The following NEB variants were observed in gnomAD, a reference collection of about 807,000 sequenced individuals.
NEB encodes the protein nemaline myopathy type 2.
NEB carries 512 observed loss-of-function variants against 952.2 expected under a neutral mutation model. The ratio of observed to expected loss-of-function variants is 0.54; its 90% CI spans 0.50 to 0.58. NEB has a LOEUF of 0.58. NEB is among the 20% of genes least tolerant of loss of function. The pLI, the probability that NEB is intolerant of heterozygous loss-of-function variation, is 0.00. For missense variants in NEB, 8,428 were observed against 9,231.1 expected (o/e 0.91, Z 3.56); for synonymous variants, 2,900 against 3,149.8 (o/e 0.92, Z 2.66).
Position 151,553,812 on chromosome 2 carries a change from T to G in NEB, c.19626+16A>C. The stretch of plus-strand genomic sequence containing the variant: ...GGCGGGGCCGTGGAGGGGTACTTCT[T>G]AAGTCACAGGCTTACATCGCTGATC... On this transcript the variant is annotated intron_variant, in intron 126 of 181. Transcript: ENST00000397345. 6.3e-7 allele frequency: 1 copy of G among 1,595,654 alleles called. No homozygotes were observed. The highest frequency in any genetic ancestry group is 8.6e-7 in the Non-Finnish European group (1 of 1,169,064).
chr2:151,555,154 C>T (rs747370639), intron 124 of NEB, 110 bp from the exon 125 acceptor site: 9 of 721,970 alleles, frequency 1.2e-5, no homozygotes, highest in Middle Eastern at 2.9e-4. Flanking sequence ...ATCCACCCAG[C>T]GTTGGGGACA....
intron 181 of NEB, chr2:151,486,295 A>G (rs1015408407): frequency 4.8e-6 from 1 of 207,616 alleles, no homozygotes; most frequent in African/African-American, 2.3e-5. Flanking sequence ...TAAAACCACA[A>G]TGAGATACCC....
intron 125 of NEB, among the ~76,000 whole-genome samples, chr2:151,554,347 GC>G (rs35677134): frequency 0.01 from 1,540 of 152,144 alleles, 33 homozygotes; most frequent in African/African-American, 0.035. Flanking sequence ...AATTGCTTGA[GC>G]CCAGGAGTTT....
intron 52 of NEB, 112 bp from the exon 53 acceptor site, chr2:151,650,997 C>G (rs2099023152): frequency 3.6e-6 from 4 of 1,114,798 alleles, no homozygotes; most frequent in Admixed American, 5.0e-5. Flanking sequence ...CTATGTTTCC[C>G]AGGCTGGTCT....
chr2:151,540,593 C>T, intron 137 of NEB, 104 bp downstream of exon 137: 1 of 1,162,100 alleles, frequency 8.6e-7, no homozygotes, highest in Non-Finnish European at 1.3e-6. Flanking sequence ...TGATGCTGAG[C>T]ACCATTTATA....
chr2:151,659,629 A>G (rs1206875774), intron 46 of NEB, among the ~76,000 whole-genome samples: 1 of 152,190 alleles, frequency 6.6e-6, no homozygotes, highest in Non-Finnish European at 1.5e-5. Flanking sequence ...AAAGTTGCTT[A>G]TTCAAACAAT....
intron 161 of NEB, among the ~76,000 whole-genome samples, chr2:151,510,551 A>AAAAT (rs1159591731): frequency 2.0e-5 from 3 of 152,244 alleles, no homozygotes; most frequent in African/African-American, 7.2e-5. Context: ...ACCTCGGTCA[A>AAAAT]AAATAAGAGT....
chr2:151,617,066 G>A (rs145305378), intron 75 of NEB, among the ~76,000 whole-genome samples: 12 of 152,306 alleles, frequency 7.9e-5, no homozygotes, highest in African/African-American at 2.6e-4. Flanking sequence ...GCTAGCTGCT[G>A]AATAAAATAA....
Position 151,646,135 on chromosome 2 carries a change from T to C in NEB, c.7531A>G (p.Ser2511Gly), listed in dbSNP as rs769306399. 6.3e-7 allele frequency: 1 copy of C among 1,581,342 alleles called. No homozygotes were observed. The highest frequency in any genetic ancestry group is 8.6e-7 in the Non-Finnish European group (1 of 1,160,938). Reference protein sequence around the residue: ...VLAKANLINTSDKLYRMGYEE... With the variant: ...VLAKANLINTGDKLYRMGYEE... ...TGCTGAATTTGAAAACTTACATCAC[T>C]TGTGTTGATTAAGTTTGCTTTAGCC... Residue 2511 changes from serine (S) to glycine (G), a missense_variant, in exon 55 of 182, where the codon AGT (serine) becomes GGT (glycine). Ser to Gly is a moderately conservative substitution (Grantham distance 56). Around this residue, in one of 11 missense-constraint regions of NEB, gnomAD observed 1,772 missense variants for 1,960.3 expected, o/e 0.90. Coordinates refer to ENST00000397345, the MANE Select transcript of NEB (RefSeq NM_001164508.2).
intron 161 of NEB, among the ~76,000 whole-genome samples, chr2:151,510,697 A>G (rs2073535250): frequency 6.6e-6 from 1 of 152,176 alleles, no homozygotes; most frequent in African/African-American, 2.4e-5. Context: ...CTAATTTACA[A>G]ATTAAGCTTT....
rs916354094 is a variant in NEB, at chr2:151,656,235, T to C, written c.6413A>G (p.Lys2138Arg). Residue 2138 changes from lysine (K) to arginine (R), a missense_variant, in exon 49 of 182, where the codon AAG (lysine) becomes AGG (arginine). Coordinates refer to ENST00000397345, the MANE Select transcript of NEB (RefSeq NM_001164508.2). ...AQANITNTNY[K>R]HLIHKYILLP... is the part of the protein sequence containing the mutation. ...GAGGATGTACTTGTGAATCAGGTGC[T>C]TGTAGTTAGTGTTGGTGATGTTGGC... 13 of 1,613,408 alleles carry C rather than the reference T, an allele frequency of 8.1e-6. No homozygotes were observed. In the Middle Eastern group the frequency reaches 5.0e-4, roughly 62 times the overall value.
chr2:151,653,983 A>C lies in NEB; in HGVS notation c.6915+9T>G. On this transcript the variant is annotated intron_variant, in intron 52 of 181. Transcript: ENST00000397345. ...AATATAGCCTTATAGAACTCAAACT[A>C]GTACTCACATCACTAGCAATGTCTC... 1 of 1,584,518 alleles carries C rather than the reference A, an allele frequency of 6.3e-7. No homozygotes were observed. The highest frequency in any genetic ancestry group is 2.2e-5 in the East Asian group (1 of 44,668).
At chr2:151,509,938 G>A (rs767220671) in intron 161 of NEB, among the ~76,000 whole-genome samples, 30 of 152,142 alleles carry the variant, frequency 2.0e-4, no homozygotes, top group South Asian at 4.2e-4. Context: ...CTGGTTACCG[G>A]GAGAAGGCCT....
At chr2:151,490,178 A>G in intron 180 of NEB, 101 bp from the exon 181 acceptor site, 1 of 1,193,174 alleles carries the variant, frequency 8.4e-7, no homozygotes, top group Non-Finnish European at 1.2e-6. Flanking sequence ...CCAACTTAGA[A>G]TGATTTCCAA....
Position 151,632,315 on chromosome 2 carries a change from C to CAA in NEB, c.9415-971_9415-970dup, listed in dbSNP as rs201218741. On this transcript the variant is annotated intron_variant, in intron 65 of 181. Transcript: ENST00000397345. ...AAAAACTTGTATTTTGTAGTCTAGACAAAAAAAAAAAAACTATTAGAATTA... is the reference window on the plus strand; with the variant it reads ...AAAAACTTGTATTTTGTAGTCTAGACAAAAAAAAAAAAAAACTATTAGAATTA... Among the ~76,000 whole-genome samples, 212 of 128,914 alleles carry CAA rather than the reference C, an allele frequency of 1.6e-3. 1 individual carries two copies. Among genetic ancestry groups the CAA allele is most frequent in the Middle Eastern group, 4.0e-3 (1 of 248 alleles). 84.6% of individuals were successfully genotyped at this position (128,914 alleles called of 152,430 possible). A position where few individuals can be genotyped will look rare whatever the true frequency, so the allele number is the denominator to read the frequency against.
intron 64 of NEB, among the ~76,000 whole-genome samples, chr2:151,634,503 G>A (rs904483641): frequency 1.8e-4 from 27 of 152,114 alleles, no homozygotes; most frequent in African/African-American, 5.5e-4. Context: ...TAAGCCGGGC[G>A]TGGTGGCGGG....
At position 151,505,590 on chromosome 2, in the gene NEB, AAAAG is replaced by A. The variant is rs745988264; in HGVS notation, c.23650-24_23650-21del. ...CTTCACCTGCAGATTTAAAAATGGG[AAAAG>A]AAAGGTATTATTACATGCTGGACTG... On this transcript the variant is annotated intron_variant, in intron 164 of 181. Transcript: ENST00000397345. 14 of 1,576,254 alleles carry A rather than the reference AAAAG, an allele frequency of 8.9e-6. No homozygotes were observed. In the African/African-American group the frequency reaches 1.5e-4, roughly 17 times the overall value.
chr2:151,522,603 G>C (rs1017443440), intron 153 of NEB, among the ~76,000 whole-genome samples: 3 of 152,154 alleles, frequency 2.0e-5, no homozygotes, highest in African/African-American at 7.2e-5. Context: ...AATTTCCACA[G>C]CAATCTACAC....
intron 48 of NEB, among the ~76,000 whole-genome samples, chr2:151,657,150 A>G (rs932501288): frequency 6.6e-6 from 1 of 152,144 alleles, no homozygotes; most frequent in Admixed American, 6.6e-5. Flanking sequence ...AGAAGCTAGT[A>G]GAGCCAAATT....
Sources: allele counts gnomAD v4.1 joint callset (sites outside exome capture counted in the v4.1 genomes callset), GRCh38; gene constraint gnomAD v4.1.1; regional missense constraint gnomAD v4.1.1; transcripts MANE v1.5; gene names NCBI Gene and HGNC (gene_info 2026-07-23, HGNC 2026-07-21).